AGBL1: variants seen among roughly 807,000 people sequenced by gnomAD.
The protein encoded by AGBL1 is AGBL carboxypeptidase 1.
A neutral mutation model predicts 118.9 loss-of-function variants in AGBL1; 130 were observed. The observed-to-expected ratio is 1.09, with a 90% CI of 0.95 to 1.26. The LOEUF (loss-of-function observed/expected upper bound fraction) is 1.26, where lower values mean the gene tolerates loss of function less well. Ranked by LOEUF, AGBL1 falls within the 50% of genes most tolerant of loss-of-function variation. The pLI is 0.00. For missense variants in AGBL1, 1,584 were observed against 1,298.1 expected, an observed-to-expected ratio of 1.22 and a Z score of -3.38; for synonymous variants, 555 against 478.9, an observed-to-expected ratio of 1.16 and a Z score of -2.08.
chr15:86,896,244 C>A (rs1016312200), intron 22 of AGBL1, among the ~76,000 whole-genome samples: 1 of 151,888 alleles, frequency 6.6e-6, no homozygotes, highest in African/African-American at 2.4e-5. Flanking sequence ...ATTTCAAGTT[C>A]GTGAGTGTCT....
At chr15:86,184,240 G>C (rs61357201) in intron 5 of AGBL1, among the ~76,000 whole-genome samples, 2,808 of 152,178 alleles carry the variant, frequency 0.018, 88 homozygotes, top group African/African-American at 0.062. Flanking sequence ...TAGCATCCTA[G>C]TAGTAGTCTT....
chr15:86,099,461 G>GT (rs1327880160), intron 1 of AGBL1, among the ~76,000 whole-genome samples: 12 of 151,250 alleles, frequency 7.9e-5, no homozygotes, highest in African/African-American at 2.7e-4. Flanking sequence ...TTTTGGTGGA[G>GT]TTTTTTGGCT....
At chr15:86,366,426 C>T (rs1017147432) in intron 17 of AGBL1, among the ~76,000 whole-genome samples, 6 of 152,020 alleles carry the variant, frequency 3.9e-5, no homozygotes, top group Admixed American at 3.3e-4. Flanking sequence ...ATTTTTAATC[C>T]TCATTTTATG....
At chr15:86,484,312 G>T (rs1401281030) in intron 18 of AGBL1, among the ~76,000 whole-genome samples, 1 of 152,058 alleles carries the variant, frequency 6.6e-6, no homozygotes, top group Non-Finnish European at 1.5e-5. Context: ...GGGAGTGTGA[G>T]GTGGAAAGAA....
chr15:86,325,410 C>T (rs1172525426), intron 17 of AGBL1, among the ~76,000 whole-genome samples: 1 of 152,078 alleles, frequency 6.6e-6, no homozygotes, highest in Non-Finnish European at 1.5e-5. Context: ...GTTTTAAGAG[C>T]ATGAGAAAAG....
chr15:86,454,015 T>C (rs934191765), intron 18 of AGBL1, among the ~76,000 whole-genome samples: 6 of 152,202 alleles, frequency 3.9e-5, no homozygotes, highest in Non-Finnish European at 7.4e-5. Context: ...CTTTCTTGTT[T>C]TCCTCAATTG....
At chr15:86,162,173 T>TG in intron 5 of AGBL1, among the ~76,000 whole-genome samples, 1 of 152,208 alleles carries the variant, frequency 6.6e-6, no homozygotes, top group East Asian at 1.9e-4. Context: ...ACAGAACCTG[T>TG]GGGCTCAAGG....
chr15:86,272,925 C>T (rs374731533), intron 15 of AGBL1, among the ~76,000 whole-genome samples: 83 of 152,078 alleles, frequency 5.5e-4, no homozygotes, highest in African/African-American at 2.0e-3. Flanking sequence ...TCCTACGGTT[C>T]AGAGAGATTT....
chr15:86,264,834 C>G lies in AGBL1; in HGVS notation c.1663C>G (p.Gln555Glu), dbSNP rs1371109280. The G allele has an allele frequency of 6.3e-7, 1 of 1,590,816 alleles. No individual in the cohort carries two copies. Among genetic ancestry groups the G allele is most frequent in the Admixed American group, 1.9e-5 (1 of 54,022 alleles). ...QPMLERKCGV[Q>E]RIRIFEDIRR... The stretch of plus-strand genomic sequence containing the variant: ...TATGTTGGAACGAAAATGTGGAGTC[C>G]AAAGGTGATGGCGCTACTGACTTGG... Residue 555 changes from glutamine to glutamate, a missense_variant, in exon 11 of 23, where the codon CAA becomes GAA. Gln to Glu is a conservative substitution (Grantham distance 29). Transcript: ENST00000614907.
At chr15:86,959,177 C>A (rs2080964490) in intron 23 of AGBL1, among the ~76,000 whole-genome samples, 1 of 152,042 alleles carries the variant, frequency 6.6e-6, no homozygotes, top group African/African-American at 2.4e-5. Flanking sequence ...ATTTATTAAT[C>A]TTTGTTCATC....
intron 18 of AGBL1, among the ~76,000 whole-genome samples, chr15:86,440,417 G>A (rs16977187): frequency 0.043 from 6,538 of 151,468 alleles, 228 homozygotes; most frequent in East Asian, 0.15. Context: ...TTGAGAGTAC[G>A]ATCAAGAATC....
At chr15:86,736,636 AT>A (rs2077604107) in intron 22 of AGBL1, among the ~76,000 whole-genome samples, 1 of 152,164 alleles carries the variant, frequency 6.6e-6, no homozygotes, top group Admixed American at 6.5e-5. Flanking sequence ...TTGTGAAACA[AT>A]TTGGCTCTTC....
rs565382806 is a variant in AGBL1 at position 86,536,902 on chromosome 15, G to A, written c.2686-9100G>A. Reference sequence around the variant, plus strand: ...GCCAGAAGTGAAAACAGAGGCTTCCGATGAAGACACGGAAGAGACTTGTGC... The same window carrying A: ...GCCAGAAGTGAAAACAGAGGCTTCCAATGAAGACACGGAAGAGACTTGTGC... On this transcript the variant is annotated intron_variant, in intron 19 of 22. Transcript: ENST00000614907. Among the ~76,000 whole-genome samples, 7 of 152,286 alleles carry A rather than the reference G, an allele frequency of 4.6e-5. No homozygotes were observed. In the East Asian group the frequency reaches 7.7e-4, roughly 17 times the overall value.
chr15:86,588,993 T>C (rs868786129), intron 21 of AGBL1, among the ~76,000 whole-genome samples: 2 of 152,262 alleles, frequency 1.3e-5, no homozygotes, highest in Middle Eastern at 3.4e-3. Flanking sequence ...TTATTTTTTA[T>C]GTGTATCTTT....
chr15:86,242,056 T>A (rs1486253599), intron 6 of AGBL1, among the ~76,000 whole-genome samples: 1 of 152,108 alleles, frequency 6.6e-6, no homozygotes, highest in Non-Finnish European at 1.5e-5. Context: ...TAAAGGAGAA[T>A]TCCCCTGCAC....
chr15:86,949,726 A>G (rs1177939256), intron 23 of AGBL1, among the ~76,000 whole-genome samples: 2 of 152,086 alleles, frequency 1.3e-5, no homozygotes, highest in Non-Finnish European at 2.9e-5. Context: ...AAGGTTTTGA[A>G]ATATGTAAAG....
chr15:86,824,139 C>G (rs760792245), intron 22 of AGBL1, among the ~76,000 whole-genome samples: 1 of 151,876 alleles, frequency 6.6e-6, no homozygotes, highest in African/African-American at 2.4e-5. Flanking sequence ...AAATCAAATC[C>G]TCCCTATTTG....
chr15:86,533,754 C>A (rs1475289693), intron 19 of AGBL1, among the ~76,000 whole-genome samples: 3 of 115,044 alleles, frequency 2.6e-5, no homozygotes, highest in Non-Finnish European at 4.9e-5. Context: ...AAATGTGGCA[C>A]ATATACACCA....
At position 86,938,978 on chromosome 15, in the gene AGBL1, T is replaced by G. The variant is rs571950158; in HGVS notation, c.3222-49009T>G. On this transcript the variant is annotated intron_variant, in intron 23 of 24. Transcript: ENST00000441037. ...CAGCGTTGTCTTGCCACAAAGAGCC[T>G]TGGGGGTGACCCACATTCACTGTCA... 3 of 152,378 alleles carry G rather than the reference T, an allele frequency of 2.0e-5. No homozygotes were observed. The East Asian group carries it at 5.8e-4, about 29-fold the overall frequency. 9.4% of individuals were successfully genotyped at this position (152,378 alleles called of 1,614,324 possible).
Sources: gnomAD v4.1 joint callset for allele counts (sites outside exome capture counted in the v4.1 genomes callset) on GRCh38, gnomAD v4.1.1 for gene constraint, MANE v1.5 for transcripts, NCBI Gene and HGNC (gene_info 2026-07-23, HGNC 2026-07-21) for gene names.